PSMC3: variants seen among roughly 807,000 people sequenced by gnomAD.
The protein encoded by PSMC3 is proteasome 26S subunit, ATPase 3, also known as 26S proteasome regulatory subunit 6A.
PSMC3 carries 11 observed loss-of-function variants against 52.0 expected under a neutral mutation model. The ratio of observed to expected loss-of-function variants is 0.21; its 90% CI spans 0.13 to 0.35. The LOEUF (loss-of-function observed/expected upper bound fraction) is 0.35. Among genes scored for constraint, PSMC3 ranks in the 10% least tolerant of loss-of-function variants. The pLI, the probability that PSMC3 is intolerant of heterozygous loss-of-function variation, is 1.00. For missense variants in PSMC3, 238 were observed against 567.1 expected (o/e 0.42, Z 5.89); for synonymous variants, 201 against 218.8 (o/e 0.92, Z 0.72).
At chr11:47,420,523 A>G (rs1324483738) in intron 9 of PSMC3, 108 bp downstream of exon 9, 1 of 1,516,506 alleles carries the variant, frequency 6.6e-7, no homozygotes, top group Non-Finnish European at 9.0e-7. Context: ...ATGGGATGTT[A>G]AAGACAGATC....
In PSMC3 at chr11:47,419,489, C is replaced by T. The variant is rs180979071; in HGVS notation, c.1128-292G>A. ...TGTCCTCATCCTGTGCCCAGCACTG[C>T]GCTTGACACTGTCACATCTAATCCT... On this transcript the variant is annotated intron_variant, in intron 10 of 11. Coordinates refer to ENST00000298852, the MANE Select transcript of PSMC3 (RefSeq NM_002804.5). 1.6e-4 allele frequency among the ~76,000 whole-genome samples: 25 copies of T among 152,310 alleles called. 1 individual carries two copies. The highest frequency in any genetic ancestry group is 1.4e-3 in the Admixed American group (22 of 15,298).
At chr11:47,423,493 C>A (rs1221690912) in intron 6 of PSMC3, among the ~76,000 whole-genome samples, 3 of 151,224 alleles carry the variant, frequency 2.0e-5, no homozygotes. Context: ...GCAGAAAAGA[C>A]ACCGGGCCAG....
intron 6 of PSMC3, among the ~76,000 whole-genome samples, chr11:47,423,840 C>T (rs2096043498): frequency 6.6e-6 from 1 of 151,730 alleles, no homozygotes; most frequent in African/African-American, 2.4e-5. Context: ...GCCTGGGCTC[C>T]AGTCCTGGCT....
chr11:47,426,145 T>A (rs1212652130), intron 1 of PSMC3, 60 bp downstream of exon 1: 2 of 1,517,004 alleles, frequency 1.3e-6, no homozygotes, highest in East Asian at 2.5e-5. Context: ...CCTTCCCTCT[T>A]GTCAATGGCG....
intron 2 of PSMC3, 149 bp from the exon 3 acceptor site, chr11:47,425,395 G>T: frequency 1.1e-6 from 1 of 937,484 alleles, no homozygotes; most frequent in Non-Finnish European, 1.6e-6. Flanking sequence ...GTCTGACTGT[G>T]TCCACATCCT....
rs1307602050 is a variant in PSMC3 at position 47,422,740 on chromosome 11, TAG to T, written c.736-20_736-19del. On this transcript the variant is annotated intron_variant, in intron 7 of 11. Transcript: ENST00000298852. This position sits in a 1 kb window ranked among gnomAD's most constrained non-coding sequence, Gnocchi z 4.3. ...AAGGTGGCCTGGCAGGAAAAGGTGG[TAG>T]AGTCAGGTCAAAGGCAGACCCTTTG... 4 of 1,614,008 alleles carry T rather than the reference TAG, an allele frequency of 2.5e-6. No individual in the cohort carries two copies. The highest frequency in any genetic ancestry group is 2.5e-6 in the Non-Finnish European group (3 of 1,179,944).
In PSMC3 at chr11:47,420,308, G is replaced by A. The variant is rs35569079; in HGVS notation, c.1083C>T (p.Ala361=). The A allele has an allele frequency of 9.4e-5, 152 of 1,614,046 alleles. 1 individual carries two copies. The highest frequency in any genetic ancestry group is 1.5e-5 in the Non-Finnish European group (18 of 1,180,040). ...AGTGGATCTGCATGATTCTGGCCCG[G>A]GCCTCCTCATTGGGCATCGGGAACT... ...KIEFPMPNEE[A]RARIMQIHSR... The change falls in exon 10 of 12, where the codon GCC becomes GCT. Residue 361 remains alanine, a synonymous_variant. Coordinates refer to ENST00000298852, the MANE Select transcript of PSMC3 (RefSeq NM_002804.5).
Position 47,422,557 on chromosome 11 carries a change from C to G in PSMC3, c.884+17G>C, listed in dbSNP as rs751460641. 3.1e-6 allele frequency: 5 copies of G among 1,613,812 alleles called. No individual in the cohort carries two copies. The highest frequency in any genetic ancestry group is 3.4e-6 in the Non-Finnish European group (4 of 1,179,856). On this transcript the variant is annotated intron_variant, in intron 8 of 11. Coordinates refer to ENST00000298852, the MANE Select transcript of PSMC3 (RefSeq NM_002804.5). The surrounding 1 kb of genome is among the most constrained non-coding windows in gnomAD (Gnocchi z 4.3). ...TACCGCCACAGAGATCGCTAGGGAC[C>G]CTTGGCCCTCCCTTACCGCTTGGTG...
At chr11:47,423,991 C>T (rs940745931) in intron 6 of PSMC3, 55 bp downstream of exon 6, 38 of 1,611,526 alleles carry the variant, frequency 2.4e-5, no homozygotes, top group East Asian at 4.5e-5. Flanking sequence ...GCATCAATGG[C>T]GTGGAGAAAC....
At position 47,422,780 on chromosome 11, in the gene PSMC3, A is replaced by G; in HGVS notation, c.735+50T>C. 6.2e-7 allele frequency: 1 copy of G among 1,607,672 alleles called. No individual in the cohort carries two copies. The highest frequency in any genetic ancestry group is 8.5e-7 in the Non-Finnish European group (1 of 1,175,278). On this transcript the variant is annotated intron_variant, in intron 7 of 11. Coordinates refer to ENST00000298852, the MANE Select transcript of PSMC3 (RefSeq NM_002804.5). The surrounding 1 kb of genome is among the most constrained non-coding windows in gnomAD (Gnocchi z 4.3). ...GGCAGACCCTTTGAGCCCATCTGGTAGAGTTTCTGCTCCTGCCCACTTCCC... is the reference window on the plus strand; with the variant it reads ...GGCAGACCCTTTGAGCCCATCTGGTGGAGTTTCTGCTCCTGCCCACTTCCC...
chr11:47,425,815 C>CG, intron 2 of PSMC3, 52 bp downstream of exon 2: 2 of 1,519,406 alleles, frequency 1.3e-6, no homozygotes, highest in South Asian at 2.3e-5. Flanking sequence ...CTCGGATCGC[C>CG]GGGGCCTGTC....
At chr11:47,423,052 A>G (rs558108951) in intron 6 of PSMC3, 79 bp from the exon 7 acceptor site, 1 of 1,389,108 alleles carries the variant, frequency 7.2e-7, no homozygotes, top group Non-Finnish European at 9.8e-7. Context: ...TCCAACCCCA[A>G]TCTGCATCCC....
rs760804430 is a variant in PSMC3 at position 47,424,468 on chromosome 11, C to A, written c.414G>T (p.Gly138=). The change falls in exon 5 of 12, where the codon GGG becomes GGT. Residue 138 remains glycine, a synonymous_variant. Transcript: ENST00000298852. This position sits in a 1 kb window ranked among gnomAD's most constrained non-coding sequence, Gnocchi z 4.8. ...TRQTYFLPVI[G]LVDAEKLKPG... ...GCTTTAGCTTTTCAGCATCCACCAA[C>A]CCAATCACAGGAAGGAAGTACGTCT... The A allele has an allele frequency of 6.2e-7, 1 of 1,614,216 alleles. No individual in the cohort carries two copies. The highest frequency in any genetic ancestry group is 2.2e-5 in the East Asian group (1 of 44,894).
Position 47,420,360 on chromosome 11 carries a change from C to T in PSMC3, c.1031G>A (p.Arg344His), listed in dbSNP as rs2096038983. 2 of 1,614,052 alleles carry T rather than the reference C, an allele frequency of 1.2e-6. No homozygotes were observed. The highest frequency in any genetic ancestry group is 1.7e-6 in the Non-Finnish European group (2 of 1,179,994). ...TATCTTGCGGTCAAGGCGGCCCGAG[C>T]GGAGGAGGGCGGGGTCCAGGATGTC... The part of the protein sequence containing the change: ...RVDILDPALL[R>H]SGRLDRKIEF... Residue 344 changes from arginine to histidine, a missense_variant, in exon 10 of 12, where the codon CGC (arginine) becomes CAC (histidine). Around this residue, in one of 6 missense-constraint regions of PSMC3, gnomAD observed 46 missense variants for 172.9 expected, o/e 0.27. Coordinates refer to ENST00000298852, the MANE Select transcript of PSMC3 (RefSeq NM_002804.5).
At chr11:47,420,009 C>T (rs2096038468) in intron 10 of PSMC3, among the ~76,000 whole-genome samples, 1 of 152,154 alleles carries the variant, frequency 6.6e-6, no homozygotes, top group South Asian at 2.1e-4. Flanking sequence ...CTAAGTGCCT[C>T]CAGCCTCTGT....
In PSMC3 at chr11:47,426,310, A is replaced by T; in HGVS notation, c.-31T>A. The T allele has an allele frequency of 6.5e-7, 1 of 1,529,504 alleles. No individual in the cohort carries two copies. Among genetic ancestry groups the T allele is most frequent in the Non-Finnish European group, 8.8e-7 (1 of 1,130,986 alleles). 94.7% of individuals were successfully genotyped at this position (1,529,504 alleles called of 1,614,324 possible). On this transcript the variant is annotated 5_prime_UTR_variant, in exon 1 of 12. Coordinates refer to ENST00000298852, the MANE Select transcript of PSMC3 (RefSeq NM_002804.5). ...GGAGGAGCGGGCAGAAGATGGGACC[A>T]GGCGGGAGCCGCAACGGGAGATTAA...
At chr11:47,421,833 AG>A (rs2096040954) in intron 8 of PSMC3, among the ~76,000 whole-genome samples, 1 of 151,618 alleles carries the variant, frequency 6.6e-6, no homozygotes, top group South Asian at 2.1e-4. Context: ...TTCTATTTTT[AG>A]TAGAGATGTG....
Position 47,426,185 on chromosome 11 carries a change from C to T in PSMC3, c.75+20G>A. The T allele has an allele frequency of 1.3e-6, 2 of 1,553,764 alleles. No individual in the cohort carries two copies. The highest frequency in any genetic ancestry group is 1.7e-6 in the Non-Finnish European group (2 of 1,149,252). On this transcript the variant is annotated intron_variant, in intron 1 of 11. Coordinates refer to ENST00000298852, the MANE Select transcript of PSMC3 (RefSeq NM_002804.5). Reference sequence around the variant, plus strand: ...CCTGCGGGCCCCGGTTCCCGGACCGCCAGCTCGCCCGGTGCCCACCTCGGC... The same window carrying T: ...CCTGCGGGCCCCGGTTCCCGGACCGTCAGCTCGCCCGGTGCCCACCTCGGC...
At chr11:47,423,339 C>G (rs1157140942) in intron 6 of PSMC3, among the ~76,000 whole-genome samples, 1 of 150,492 alleles carries the variant, frequency 6.6e-6, no homozygotes, top group East Asian at 2.0e-4. Flanking sequence ...ACGCGGAGCT[C>G]GTAGTGAGCC....
Sources: allele counts gnomAD v4.1 joint callset (sites outside exome capture counted in the v4.1 genomes callset), GRCh38; gene constraint gnomAD v4.1.1; regional missense constraint gnomAD v4.1.1; non-coding constraint Gnocchi (gnomAD v3.1); transcripts MANE v1.5; gene names NCBI Gene and HGNC (gene_info 2026-07-23, HGNC 2026-07-21).